The following GPC5 variants were observed in gnomAD, a reference collection of about 807,000 sequenced individuals.
GPC5 encodes the protein glypican-5.
A neutral mutation model predicts 53.9 loss-of-function variants in GPC5; 47 were observed. The ratio of observed to expected loss-of-function variants is 0.87; its 90% CI spans 0.69 to 1.11. The LOEUF is 1.11. Among genes scored for constraint, GPC5 ranks in the 50% most tolerant of loss-of-function variants. GPC5 has a pLI of 0.00. For missense variants in GPC5, 748 were observed against 713.1 expected, an observed-to-expected ratio of 1.05 and a Z score of -0.56; for synonymous variants, 286 against 263.3, an observed-to-expected ratio of 1.09 and a Z score of -0.84.
rs201448151 is a variant in GPC5 at position 92,182,098 on chromosome 13, A to AT, written c.1561+37117dup. On this transcript the variant is annotated intron_variant, in intron 7 of 7. Coordinates refer to ENST00000377067, the MANE Select transcript of GPC5 (RefSeq NM_004466.6). ...TCAAATTTTTTCTGTTTATTTATTTATTTTTTTTGCCAGGGAATTAATAAT... is the reference window on the plus strand; with the variant it reads ...TCAAATTTTTTCTGTTTATTTATTTATTTTTTTTTGCCAGGGAATTAATAAT... Among the ~76,000 whole-genome samples the AT allele has an allele frequency of 6.5e-3, 980 of 151,900 alleles. 10 individuals carry two copies. Among genetic ancestry groups the AT allele is most frequent in the African/African-American group, 0.022 (910 of 41,374 alleles).
At chr13:92,401,790 G>A (rs986408176) in intron 7 of GPC5, among the ~76,000 whole-genome samples, 3 of 152,076 alleles carry the variant, frequency 2.0e-5, no homozygotes, top group African/African-American at 7.2e-5. Flanking sequence ...AATTGAGAAG[G>A]AGAGTCTATA....
chr13:91,416,481 T>A (rs1181328369), intron 1 of GPC5, among the ~76,000 whole-genome samples: 1 of 140,922 alleles, frequency 7.1e-6, no homozygotes, highest in African/African-American at 2.7e-5. Flanking sequence ...TATTATACTT[T>A]AAGTTCTAGG....
chr13:92,210,484 C>T lies in GPC5; in HGVS notation c.1561+65495C>T, dbSNP rs535695249. Among the ~76,000 whole-genome samples, 12 of 152,234 alleles carry T rather than the reference C, an allele frequency of 7.9e-5. No individual in the cohort carries two copies. The East Asian group carries it at 1.2e-3, about 15-fold the overall frequency. On this transcript the variant is annotated intron_variant, in intron 7 of 7. Transcript: ENST00000377067. ...TTGAATGTAAAATTTGATTGACTAA[C>T]GTTATCACTAGACTTCCTTTTATCT...
intron 7 of GPC5, among the ~76,000 whole-genome samples, chr13:92,346,263 G>A (rs962599526): frequency 5.3e-5 from 8 of 152,118 alleles, no homozygotes; most frequent in African/African-American, 1.9e-4. Flanking sequence ...TAATCTCAGA[G>A]CACAGCCCTT....
chr13:91,651,489 G>A (rs563633022), intron 2 of GPC5, among the ~76,000 whole-genome samples: 1 of 152,144 alleles, frequency 6.6e-6, no homozygotes, highest in Admixed American at 6.5e-5. Flanking sequence ...GGAGGCCAAG[G>A]CATGTGGATC....
intron 2 of GPC5, among the ~76,000 whole-genome samples, chr13:91,637,194 C>T (rs1221805270): frequency 6.6e-6 from 1 of 152,084 alleles, no homozygotes; most frequent in Non-Finnish European, 1.5e-5. Context: ...TTACCTATTT[C>T]TGGGACCTGG....
At chr13:91,620,409 A>G (rs76339572) in intron 2 of GPC5, among the ~76,000 whole-genome samples, 1,535 of 152,244 alleles carry the variant, frequency 0.01, 17 homozygotes, top group Non-Finnish European at 0.016. Context: ...TGTAAATGTC[A>G]TGTCTCTCAG....
intron 7 of GPC5, among the ~76,000 whole-genome samples, chr13:92,546,371 T>C (rs1008414994): frequency 1.3e-5 from 2 of 151,954 alleles, no homozygotes; most frequent in Non-Finnish European, 2.9e-5. Flanking sequence ...TATACACCAA[T>C]AACAGACACA....
intron 7 of GPC5, among the ~76,000 whole-genome samples, chr13:92,432,164 A>G (rs776606331): frequency 2.6e-5 from 4 of 152,162 alleles, no homozygotes; most frequent in Non-Finnish European, 5.9e-5. Context: ...AGGACACAGC[A>G]AGAAGGTGGC....
intron 7 of GPC5, among the ~76,000 whole-genome samples, chr13:92,432,610 C>A (rs939256200): frequency 2.6e-5 from 4 of 151,508 alleles, no homozygotes; most frequent in Non-Finnish European, 4.4e-5. Flanking sequence ...CTCCTGACCT[C>A]GTGATCTGCC....
At chr13:92,423,852 TG>T (rs1163021684) in intron 7 of GPC5, among the ~76,000 whole-genome samples, 6 of 152,186 alleles carry the variant, frequency 3.9e-5, no homozygotes, top group Admixed American at 2.0e-4. Context: ...TCAGACAGCA[TG>T]CTTTTAATGC....
At chr13:92,506,455 T>C (rs961818586) in intron 7 of GPC5, among the ~76,000 whole-genome samples, 2 of 152,166 alleles carry the variant, frequency 1.3e-5, no homozygotes, top group Non-Finnish European at 2.9e-5. Flanking sequence ...TAATTGATTA[T>C]AAAATTATAG....
intron 7 of GPC5, among the ~76,000 whole-genome samples, chr13:92,488,902 A>C (rs923475840): frequency 6.6e-6 from 1 of 152,222 alleles, no homozygotes; most frequent in Non-Finnish European, 1.5e-5. Flanking sequence ...CAATAAAGGC[A>C]GTTACTAACA....
intron 7 of GPC5, among the ~76,000 whole-genome samples, chr13:92,549,360 A>T (rs1321645238): frequency 6.6e-6 from 1 of 152,132 alleles, no homozygotes; most frequent in African/African-American, 2.4e-5. Flanking sequence ...GTTATGAAAG[A>T]TCTTTATTTC....
At chr13:91,887,724 G>T (rs896742235) in intron 5 of GPC5, among the ~76,000 whole-genome samples, 2 of 152,090 alleles carry the variant, frequency 1.3e-5, no homozygotes, top group African/African-American at 4.8e-5. Flanking sequence ...GTCACCTTTG[G>T]TCTACTTCCC....
intron 6 of GPC5, among the ~76,000 whole-genome samples, chr13:92,024,188 GT>G (rs1805985715): frequency 6.6e-6 from 1 of 152,074 alleles, no homozygotes; most frequent in African/African-American, 2.4e-5. Flanking sequence ...TGGTTGCACA[GT>G]CCTGTGAATC....
chr13:92,152,175 G>A (rs969324835), intron 7 of GPC5, among the ~76,000 whole-genome samples: 1 of 152,068 alleles, frequency 6.6e-6, no homozygotes, highest in Non-Finnish European at 1.5e-5. Flanking sequence ...TAATTTGCTG[G>A]GCAAAGAGGA....
At chr13:92,347,645 TACTGTAATGATC>T (rs1354295304) in intron 7 of GPC5, among the ~76,000 whole-genome samples, 1 of 150,378 alleles carries the variant, frequency 6.6e-6, no homozygotes, top group Non-Finnish European at 1.5e-5. Flanking sequence ...AATACTGAAG[TACTGTAATGATC>T]ACAGGTAATT....
chr13:92,230,020 C>A (rs565342930), intron 7 of GPC5, among the ~76,000 whole-genome samples: 28 of 152,088 alleles, frequency 1.8e-4, no homozygotes, highest in African/African-American at 6.3e-4. Flanking sequence ...TAAATGAAAA[C>A]AATTTTATTT....
Sources: gnomAD v4.1 joint callset for allele counts (sites outside exome capture counted in the v4.1 genomes callset) on GRCh38, gnomAD v4.1.1 for gene constraint, MANE v1.5 for transcripts, NCBI Gene and HGNC (gene_info 2026-07-23, HGNC 2026-07-21) for gene names.